The following TMEM132D variants were observed in gnomAD, a reference collection of about 807,000 sequenced individuals.
The protein encoded by TMEM132D is mature OL transmembrane protein.
A neutral mutation model predicts 62.3 loss-of-function variants in TMEM132D; 21 were observed. That is an observed-to-expected ratio of 0.34 (90% CI 0.24 to 0.49). The LOEUF is 0.49. Among genes scored for constraint, TMEM132D ranks in the 20% least tolerant of loss-of-function variants. TMEM132D has a pLI of 0.99. For synonymous variants in TMEM132D, 621 were observed against 575.6 expected, an observed-to-expected ratio of 1.08 and a Z score of -1.13; for missense variants, 1,346 against 1,402.8, an observed-to-expected ratio of 0.96 and a Z score of 0.65.
intron 3 of TMEM132D, among the ~76,000 whole-genome samples, chr12:129,360,425 C>A (rs1377236757): frequency 1.3e-5 from 2 of 152,160 alleles, no homozygotes; most frequent in Admixed American, 1.3e-4. Context: ...CATGTAAAGA[C>A]CCGAAGGTGG....
intron 2 of TMEM132D, among the ~76,000 whole-genome samples, chr12:129,553,268 G>A (rs905286177): frequency 6.6e-6 from 1 of 152,118 alleles, no homozygotes; most frequent in Non-Finnish European, 1.5e-5. Flanking sequence ...CCCTGGCTGC[G>A]TGAGTCCATC....
chr12:129,089,348 C>CATGACCGGGGTGTCCTCT lies in TMEM132D; in HGVS notation c.1444-4664_1444-4647dup, dbSNP rs1874810599. Among the ~76,000 whole-genome samples, 11 of 55,424 alleles carry CATGACCGGGGTGTCCTCT rather than the reference C, an allele frequency of 2.0e-4. 2 individuals carry two copies. Among genetic ancestry groups the CATGACCGGGGTGTCCTCT allele is most frequent in the Admixed American group, 3.7e-4 (2 of 5,400 alleles). The allele number at this position is 55,424 out of a possible 152,430, so 36.4% of individuals were successfully genotyped here. The stretch of plus-strand genomic sequence containing the variant: ...TGTCCTCCCTGACCGGGATGTCCTC[C>CATGACCGGGGTGTCCTCT]ATGACCGGGGTGTCCTCTATGACCG... On this transcript the variant is annotated intron_variant, in intron 5 of 8. Transcript: ENST00000422113.
At chr12:129,255,582 G>T (rs1463372352) in intron 4 of TMEM132D, among the ~76,000 whole-genome samples, 3 of 152,114 alleles carry the variant, frequency 2.0e-5, no homozygotes, top group African/African-American at 7.2e-5. Context: ...AACTACATGG[G>T]ACATTTTGCA....
chr12:129,109,537 T>C (rs535703271), intron 5 of TMEM132D: 2 of 152,364 alleles, frequency 1.3e-5, no homozygotes, highest in Non-Finnish European at 2.9e-5. Flanking sequence ...CTCCCAGGAT[T>C]CCTGCATGTT....
chr12:129,432,758 G>A (rs1201304845), intron 3 of TMEM132D, among the ~76,000 whole-genome samples: 2 of 152,152 alleles, frequency 1.3e-5, no homozygotes, highest in Admixed American at 6.5e-5. Context: ...AAATTAAGGA[G>A]GATACATGTT....
chr12:129,903,981 G>A lies in TMEM132D; in HGVS notation c.-642C>T, dbSNP rs1403055676. On this transcript the variant is annotated 5_prime_UTR_variant, in exon 1 of 9. Coordinates refer to ENST00000422113, the MANE Select transcript of TMEM132D (RefSeq NM_133448.3). This position sits in a 1 kb window ranked among gnomAD's most constrained non-coding sequence, Gnocchi z 6.2. ...CCGCCGCCTCGGCCCGCCCGGCCCCGGGCCCGGCTGGGGCTCGCGGGGCTC... is the reference window on the plus strand; with the variant it reads ...CCGCCGCCTCGGCCCGCCCGGCCCCAGGCCCGGCTGGGGCTCGCGGGGCTC... Among the ~76,000 whole-genome samples, 1 of 148,970 alleles carries A rather than the reference G, an allele frequency of 6.7e-6. No individual in the cohort carries two copies. Among genetic ancestry groups the A allele is most frequent in the Non-Finnish European group, 1.5e-5 (1 of 66,752 alleles).
chr12:129,499,913 ACT>A (rs1358102494), intron 3 of TMEM132D, among the ~76,000 whole-genome samples: 2 of 149,924 alleles, frequency 1.3e-5, no homozygotes, highest in African/African-American at 4.9e-5. Context: ...TCTGTCCCCC[ACT>A]TCAGTCGGTT....
intron 4 of TMEM132D, among the ~76,000 whole-genome samples, chr12:129,229,110 C>T (rs912157950): frequency 6.6e-6 from 1 of 152,214 alleles, no homozygotes; most frequent in Non-Finnish European, 1.5e-5. Context: ...TGTGATCCAG[C>T]TGTGCCAACG....
Position 129,665,505 on chromosome 12 carries a change from C to CT in TMEM132D, c.968+34304dup, listed in dbSNP as rs566219788. On this transcript the variant is annotated intron_variant, in intron 2 of 8. Transcript: ENST00000422113. ...AACTAGGAAGCAGAGGGCTTCTAGG[C>CT]TTTTTTTTTTCAGTCAAAAAGGAAA... Among the ~76,000 whole-genome samples the CT allele has an allele frequency of 7.6e-3, 1,121 of 148,242 alleles. 6 individuals carry two copies. Among genetic ancestry groups the CT allele is most frequent in the South Asian group, 0.012 (53 of 4,608 alleles).
At chr12:129,105,348 A>C (rs1356750675) in intron 5 of TMEM132D, among the ~76,000 whole-genome samples, 1 of 138,880 alleles carries the variant, frequency 7.2e-6, no homozygotes, top group Non-Finnish European at 1.5e-5. Context: ...AACAATGAGA[A>C]CACATGGACA....
chr12:129,646,296 C>G (rs1223264493), intron 2 of TMEM132D, among the ~76,000 whole-genome samples: 1 of 152,120 alleles, frequency 6.6e-6, no homozygotes, highest in Non-Finnish European at 1.5e-5. Context: ...ATTATTTTAC[C>G]CACTTTGCAG....
At chr12:129,514,248 G>A (rs1184405271) in intron 3 of TMEM132D, among the ~76,000 whole-genome samples, 1 of 151,928 alleles carries the variant, frequency 6.6e-6, no homozygotes, top group African/African-American at 2.4e-5. Flanking sequence ...TTCTATCGCT[G>A]CCACCACCAC....
chr12:129,607,613 G>A (rs1565920813), intron 2 of TMEM132D, among the ~76,000 whole-genome samples: 1 of 152,276 alleles, frequency 6.6e-6, no homozygotes, highest in South Asian at 2.1e-4. Context: ...CCACCCAGGA[G>A]GCCAGACAAA....
intron 4 of TMEM132D, chr12:129,211,918 C>T (rs1378246653): frequency 2.0e-5 from 3 of 152,162 alleles, no homozygotes; most frequent in Non-Finnish European, 4.4e-5. Flanking sequence ...TGGCAAAAAT[C>T]ACCATTACTT....
chr12:129,762,407 G>A (rs1870409372), intron 1 of TMEM132D, among the ~76,000 whole-genome samples: 1 of 151,936 alleles, frequency 6.6e-6, no homozygotes. Context: ...TTAAATCCCA[G>A]AACAAGACAC....
intron 3 of TMEM132D, among the ~76,000 whole-genome samples, chr12:129,449,633 C>T (rs535806211): frequency 1.3e-5 from 2 of 152,282 alleles, no homozygotes; most frequent in African/African-American, 4.8e-5. Flanking sequence ...TCATACAACA[C>T]CAGGAGTGAC....
chr12:129,793,562 T>G (rs1336312828), intron 1 of TMEM132D, among the ~76,000 whole-genome samples: 4 of 152,256 alleles, frequency 2.6e-5, no homozygotes, highest in African/African-American at 9.6e-5. Context: ...TTTGTAGAGA[T>G]GAGGTTTTGC....
At chr12:129,087,963 G>A (rs1163119060) in intron 5 of TMEM132D, among the ~76,000 whole-genome samples, 8 of 110,046 alleles carry the variant, frequency 7.3e-5, no homozygotes, top group East Asian at 4.2e-4. Context: ...CCCTGACCGG[G>A]GTGTCCTCCA....
rs532849679 is a variant in TMEM132D at position 129,849,914 on chromosome 12, C to T, written c.79+53347G>A. Among the ~76,000 whole-genome samples the T allele has an allele frequency of 1.2e-4, 18 of 152,320 alleles. No homozygotes were observed. The East Asian group carries it at 3.1e-3, about 26-fold the overall frequency. On this transcript the variant is annotated intron_variant, in intron 1 of 8. Transcript: ENST00000422113. Reference sequence around the variant, plus strand: ...ATATACCCAGGGGCTTCCCACCATTCCACACCACCTCAGCCTGCCTGTCTT... The same window carrying T: ...ATATACCCAGGGGCTTCCCACCATTTCACACCACCTCAGCCTGCCTGTCTT...
Sources: allele counts gnomAD v4.1 joint callset (sites outside exome capture counted in the v4.1 genomes callset), GRCh38; gene constraint gnomAD v4.1.1; non-coding constraint Gnocchi (gnomAD v3.1); transcripts MANE v1.5; gene names NCBI Gene and HGNC (gene_info 2026-07-23, HGNC 2026-07-21).